GALNT10: variants seen among roughly 807,000 people sequenced by gnomAD.
The protein encoded by GALNT10 is polypeptide N-acetylgalactosaminyltransferase 10, also known as GalNAc transferase 10.
Under a neutral mutation model 75.0 loss-of-function variants are expected in GALNT10, and 41 were observed. The ratio of observed to expected loss-of-function variants is 0.55; its 90% CI spans 0.43 to 0.71. The LOEUF (loss-of-function observed/expected upper bound fraction) is 0.71. Ranked by LOEUF, GALNT10 falls within the 30% of genes least tolerant of loss-of-function variation. The probability of loss-of-function intolerance (pLI) is 0.00; values close to 1 mark genes in which losing one functional copy is unlikely to be tolerated. For synonymous variants in GALNT10, 302 were observed against 313.0 expected (o/e 0.96, Z 0.37); for missense variants, 727 against 818.5 (o/e 0.89, Z 1.36).
At chr5:154,195,988 T>C (rs910574421) in intron 1 of GALNT10, among the ~76,000 whole-genome samples, 5 of 152,186 alleles carry the variant, frequency 3.3e-5, no homozygotes, top group African/African-American at 1.2e-4. Context: ...AATGGCGTGA[T>C]CTCGGCCCAT....
chr5:154,393,936 T>C (rs1012921210), intron 7 of GALNT10, among the ~76,000 whole-genome samples: 6 of 152,132 alleles, frequency 3.9e-5, no homozygotes, highest in African/African-American at 1.4e-4. Flanking sequence ...TTGGGGCCAT[T>C]TGCAAGCTCT....
intron 3 of GALNT10, among the ~76,000 whole-genome samples, chr5:154,308,823 TG>T (rs984209322): frequency 3.3e-5 from 5 of 152,192 alleles, no homozygotes; most frequent in African/African-American, 1.2e-4. Context: ...CACTTAAAAC[TG>T]TCTCTGAAAG....
intron 4 of GALNT10, among the ~76,000 whole-genome samples, chr5:154,345,993 T>C (rs1014829265): frequency 4.0e-5 from 6 of 149,032 alleles, no homozygotes; most frequent in Non-Finnish European, 7.4e-5. Flanking sequence ...GAGCCAGGGT[T>C]TCACCATGTT....
chr5:154,319,274 AGAG>A, intron 3 of GALNT10, among the ~76,000 whole-genome samples: 2 of 152,366 alleles, frequency 1.3e-5, no homozygotes, highest in South Asian at 4.1e-4. Context: ...GCACATGTGC[AGAG>A]GAGAACACAG....
At chr5:154,328,762 T>G (rs910094398) in intron 3 of GALNT10, among the ~76,000 whole-genome samples, 3 of 152,172 alleles carry the variant, frequency 2.0e-5, no homozygotes, top group African/African-American at 7.2e-5. Flanking sequence ...TAGATTTGAT[T>G]ATCTGCCAGA....
At chr5:154,319,473 A>AGG in intron 3 of GALNT10, among the ~76,000 whole-genome samples, 1 of 152,216 alleles carries the variant, frequency 6.6e-6, no homozygotes, top group South Asian at 2.1e-4. Flanking sequence ...TTGAGGCCTG[A>AGG]ATCCAACTCA....
In GALNT10 at chr5:154,237,558, C is replaced by T. The variant is rs1753265509; in HGVS notation, c.159+46533C>T. 3.9e-5 allele frequency among the ~76,000 whole-genome samples: 6 copies of T among 152,306 alleles called. 1 individual carries two copies. The South Asian group carries it at 1.2e-3, about 32-fold the overall frequency. Reference sequence around the variant, plus strand: ...GTGAGACCTTGGACAGATCCCGGTTCCCCTTGCTTTGTTTCTCCAATTGGG... The same window carrying T: ...GTGAGACCTTGGACAGATCCCGGTTTCCCTTGCTTTGTTTCTCCAATTGGG... On this transcript the variant is annotated intron_variant, in intron 1 of 11. Coordinates refer to ENST00000297107, the MANE Select transcript of GALNT10 (RefSeq NM_198321.4).
intron 1 of GALNT10, among the ~76,000 whole-genome samples, chr5:154,214,978 CCATGGGAAA>C (rs1298931585): frequency 2.0e-5 from 3 of 152,110 alleles, no homozygotes; most frequent in Non-Finnish European, 4.4e-5. Flanking sequence ...GAGAAAATAC[CCATGGGAAA>C]CATGCTTTGT....
chr5:154,251,024 C>G (rs1459321301), intron 1 of GALNT10, among the ~76,000 whole-genome samples: 2 of 152,268 alleles, frequency 1.3e-5, no homozygotes, highest in African/African-American at 4.8e-5. Context: ...TCCCTCTTGT[C>G]CCTATCTTTT....
chr5:154,258,360 A>C (rs1330715168), intron 1 of GALNT10, among the ~76,000 whole-genome samples: 2 of 152,224 alleles, frequency 1.3e-5, no homozygotes, highest in African/African-American at 4.8e-5. Context: ...ATAATTGGGC[A>C]TTGCCGGGGA....
chr5:154,216,958 T>C (rs1444892561), intron 1 of GALNT10, among the ~76,000 whole-genome samples: 1 of 152,152 alleles, frequency 6.6e-6, no homozygotes, highest in Admixed American at 6.5e-5. Flanking sequence ...GTGTGAGAAA[T>C]GCTTCCCTCT....
At position 154,393,076 on chromosome 5, in the gene GALNT10, A is replaced by C. The variant is rs796786561; in HGVS notation, c.1056+6646A>C. 7.7e-4 allele frequency: 112 copies of C among 145,304 alleles called. 1 individual carries two copies. Among genetic ancestry groups the C allele is most frequent in the African/African-American group, 2.7e-3 (105 of 39,400 alleles). The allele number at this position is 145,304 out of a possible 1,614,324, so 9.0% of individuals were successfully genotyped here. On this transcript the variant is annotated intron_variant, in intron 7 of 11. Coordinates refer to ENST00000297107, the MANE Select transcript of GALNT10 (RefSeq NM_198321.4). ...TCTCCACAAAAAAAAAAAAAAAAAA[A>C]AACCCATTTTTTTTCAGACAGGATC...
At chr5:154,384,947 C>G (rs926330908) in intron 6 of GALNT10, among the ~76,000 whole-genome samples, 37 of 152,316 alleles carry the variant, frequency 2.4e-4, no homozygotes, top group Admixed American at 2.2e-3. Context: ...TAGCTCCGTA[C>G]AGCACCCGGC....
intron 1 of GALNT10, among the ~76,000 whole-genome samples, chr5:154,213,576 C>T (rs565628877): frequency 6.6e-6 from 1 of 152,148 alleles, no homozygotes; most frequent in Non-Finnish European, 1.5e-5. Flanking sequence ...ATCAGTCATT[C>T]AGGATACAAG....
chr5:154,233,567 G>A (rs369873069), intron 1 of GALNT10, among the ~76,000 whole-genome samples: 2 of 152,268 alleles, frequency 1.3e-5, no homozygotes, highest in East Asian at 3.9e-4. Context: ...CTTGTTCTGG[G>A]GTGCCCAACA....
At chr5:154,309,951 A>G (rs936103555) in intron 3 of GALNT10, among the ~76,000 whole-genome samples, 3 of 152,254 alleles carry the variant, frequency 2.0e-5, no homozygotes, top group Admixed American at 2.0e-4. Flanking sequence ...TGCCTGAGGC[A>G]TAACAGATAG....
At chr5:154,301,353 A>T (rs1284434724) in intron 3 of GALNT10, among the ~76,000 whole-genome samples, 4 of 152,016 alleles carry the variant, frequency 2.6e-5, no homozygotes, top group African/African-American at 9.7e-5. Flanking sequence ...AGTTTTTATA[A>T]CTACCACTGA....
intron 3 of GALNT10, among the ~76,000 whole-genome samples, chr5:154,323,202 G>T (rs533901551): frequency 5.3e-5 from 8 of 152,016 alleles, no homozygotes; most frequent in Non-Finnish European, 1.2e-4. Context: ...ATGTTGTTTC[G>T]TTTTGTTAAA....
At chr5:154,191,585 C>T (rs796539668) in intron 1 of GALNT10, among the ~76,000 whole-genome samples, 11 of 152,258 alleles carry the variant, frequency 7.2e-5, no homozygotes, top group African/African-American at 2.4e-4. Context: ...CTAGCCTTTT[C>T]CTTTCTCAGA....
Sources: allele counts gnomAD v4.1 joint callset (sites outside exome capture counted in the v4.1 genomes callset), GRCh38; gene constraint gnomAD v4.1.1; transcripts MANE v1.5; gene names NCBI Gene and HGNC (gene_info 2026-07-23, HGNC 2026-07-21).